Variants in NRDE2 observed in about 807,000 individuals in gnomAD.
NRDE2 encodes NRDE-2, necessary for RNA interference, domain containing.
Under a neutral mutation model 124.2 loss-of-function variants are expected in NRDE2, and 76 were observed. The ratio of observed to expected loss-of-function variants is 0.61; its 90% CI spans 0.51 to 0.74. The LOEUF (loss-of-function observed/expected upper bound fraction) is 0.74. Ranked by LOEUF, NRDE2 falls within the 30% of genes least tolerant of loss-of-function variation. The probability of loss-of-function intolerance (pLI) is 0.00; values close to 1 mark genes in which losing one functional copy is unlikely to be tolerated. For synonymous variants in NRDE2, 489 were observed against 528.1 expected (o/e 0.93, Z 1.01); for missense variants, 1,314 against 1,417.3 (o/e 0.93, Z 1.17).
At chr14:90,311,930 T>A (rs1227159693) in intron 4 of NRDE2, among the ~76,000 whole-genome samples, 1 of 152,274 alleles carries the variant, frequency 6.6e-6, no homozygotes, top group Non-Finnish European at 1.5e-5. Flanking sequence ...AAATATCATC[T>A]ATTTTTATGA....
At chr14:90,325,530 CT>C (rs1217310351) in intron 1 of NRDE2, among the ~76,000 whole-genome samples, 1 of 151,822 alleles carries the variant, frequency 6.6e-6, no homozygotes, top group Non-Finnish European at 1.5e-5. Flanking sequence ...GGCCTCTTTG[CT>C]TTTTTTTGTT....
In NRDE2 at chr14:90,304,151, A is replaced by T; in HGVS notation, c.789T>A (p.Ala263=). The part of the protein sequence containing the change: ...FIPVKDLEDA[A]PVTTWLNPLG... ...GAGGATTCAACCAGGTTGTAACAGG[A>T]GCCGCATCTTCCAAGTCCTTCACTG... Residue 263 remains alanine (A), a synonymous_variant, in exon 5 of 14, where the codon GCT becomes GCA. Coordinates refer to ENST00000354366, the MANE Select transcript of NRDE2 (RefSeq NM_017970.4). 3 of 1,614,196 alleles carry T rather than the reference A, an allele frequency of 1.9e-6. No homozygotes were observed. Among genetic ancestry groups the T allele is most frequent in the Non-Finnish European group, 2.5e-6 (3 of 1,180,040 alleles).
At chr14:90,296,560 T>C (rs1273065180) in intron 8 of NRDE2, among the ~76,000 whole-genome samples, 1 of 152,192 alleles carries the variant, frequency 6.6e-6, no homozygotes, top group Non-Finnish European at 1.5e-5. Flanking sequence ...CTCTGAACTG[T>C]CGTGCAAGAC....
intron 5 of NRDE2, 145 bp downstream of exon 5, chr14:90,303,790 T>C (rs1457702784): frequency 9.7e-6 from 7 of 722,388 alleles, no homozygotes; most frequent in African/African-American, 1.8e-5. Context: ...TTGAGCGAGC[T>C]CAGGGCAAAG....
intron 6 of NRDE2, among the ~76,000 whole-genome samples, chr14:90,302,257 A>T (rs936856761): frequency 6.6e-6 from 1 of 152,138 alleles, no homozygotes; most frequent in Non-Finnish European, 1.5e-5. Context: ...CCAACATCTC[A>T]TTACTGTCAA....
Position 90,298,254 on chromosome 14 carries a change from A to G in NRDE2, c.1666+6T>C. 1 of 1,612,970 alleles carries G rather than the reference A, an allele frequency of 6.2e-7. No homozygotes were observed. Among genetic ancestry groups the G allele is most frequent in the Non-Finnish European group, 8.5e-7 (1 of 1,179,716 alleles). ...AAGTACACGTCTTCAATGAGAGGTG[A>G]CTTACCTGGGTTGATGACCACCCAG... is the stretch of plus-strand genomic sequence containing the variant. On this transcript the variant is annotated splice_donor_region_variant and intron_variant, in intron 8 of 13. Coordinates refer to ENST00000354366, the MANE Select transcript of NRDE2 (RefSeq NM_017970.4).
intron 2 of NRDE2, chr14:90,317,767 T>C: frequency 5.3e-6 from 2 of 377,820 alleles, no homozygotes; most frequent in Non-Finnish European, 9.4e-6. Context: ...ATCACAATGA[T>C]GCCATTTCCC....
chr14:90,301,129 T>C, intron 7 of NRDE2, 110 bp downstream of exon 7: 1 of 1,094,586 alleles, frequency 9.1e-7, no homozygotes. Flanking sequence ...TTAAAAACAC[T>C]ACCACACCAC....
At position 90,304,290 on chromosome 14, in the gene NRDE2, C is replaced by T. The variant is rs768869559; in HGVS notation, c.650G>A (p.Arg217His). Reference sequence around the variant, plus strand: ...AGTAAAATAGCGTTCAACCTGCTTGCGTGAATGCTTCTTCTCTGTGGAAGT... The same window carrying T: ...AGTAAAATAGCGTTCAACCTGCTTGTGTGAATGCTTCTTCTCTGTGGAAGT... The part of the protein sequence containing the change: ...EGTSTEKKHS[R>H]KQVERYFTKK... Residue 217 changes from arginine (R) to histidine (H), a missense_variant, in exon 5 of 14, where the codon CGC (arginine) becomes CAC (histidine). Physicochemically the swap from Arg to His is conservative, Grantham distance 29. Coordinates refer to ENST00000354366, the MANE Select transcript of NRDE2 (RefSeq NM_017970.4). 19 of 1,613,984 alleles carry T rather than the reference C, an allele frequency of 1.2e-5. No individual in the cohort carries two copies. The highest frequency in any genetic ancestry group is 2.7e-5 in the African/African-American group (2 of 74,946).
chr14:90,321,800 T>C (rs1885254925), intron 1 of NRDE2, among the ~76,000 whole-genome samples: 1 of 152,194 alleles, frequency 6.6e-6, no homozygotes, highest in Non-Finnish European at 1.5e-5. Flanking sequence ...AGTCCTCTAG[T>C]CCATGGACTT....
In NRDE2 at chr14:90,298,209, A is replaced by G. The variant is rs1382099324; in HGVS notation, c.1666+51T>C. ...GATAAATAATCATGAGGATGTAAAA[A>G]CAAATTCCAGAAGAAACAGAAGTAC... On this transcript the variant is annotated intron_variant, in intron 8 of 13. Transcript: ENST00000354366. The G allele has an allele frequency of 2.5e-6, 4 of 1,592,958 alleles. No individual in the cohort carries two copies. The South Asian group carries it at 3.3e-5, about 13-fold the overall frequency.
chr14:90,316,855 T>C (rs1885068374), intron 2 of NRDE2, 44 bp from the exon 3 acceptor site: 3 of 1,262,808 alleles, frequency 2.4e-6, no homozygotes, highest in Non-Finnish European at 2.2e-6. Context: ...TAAAAAGATG[T>C]AGGAAAAATA....
At position 90,286,496 on chromosome 14, in the gene NRDE2, C is replaced by T. The variant is rs376374829; in HGVS notation, c.3159-4G>A. The T allele has an allele frequency of 1.6e-4, 265 of 1,608,228 alleles. No individual in the cohort carries two copies. The highest frequency in any genetic ancestry group is 2.1e-4 in the Non-Finnish European group (252 of 1,178,494). On this transcript the variant is annotated splice_region_variant and splice_polypyrimidine_tract_variant and intron_variant, in intron 11 of 13. Transcript: ENST00000354366. ...GTGGATCTCTCTACCGTCTAACCTG[C>T]AAGGCAAAGGCTCACGTGACTCTGA...
At chr14:90,292,176 G>C (rs1341023660) in intron 9 of NRDE2, among the ~76,000 whole-genome samples, 1 of 152,188 alleles carries the variant, frequency 6.6e-6, no homozygotes, top group Non-Finnish European at 1.5e-5. Flanking sequence ...ATAAACACTA[G>C]TTTCTTCTTC....
chr14:90,303,364 T>C (rs1412590828), intron 5 of NRDE2, among the ~76,000 whole-genome samples: 3 of 152,256 alleles, frequency 2.0e-5, no homozygotes, highest in Non-Finnish European at 4.4e-5. Context: ...TCTGCATCAA[T>C]GACTAGCATA....
intron 1 of NRDE2, among the ~76,000 whole-genome samples, chr14:90,330,132 A>G (rs975855342): frequency 6.6e-6 from 1 of 151,574 alleles, no homozygotes; most frequent in African/African-American, 2.4e-5. Flanking sequence ...ACTTGAACCC[A>G]GGAGGCGAAG....
intron 9 of NRDE2, among the ~76,000 whole-genome samples, chr14:90,292,290 G>C (rs182685665): frequency 2.0e-5 from 3 of 152,212 alleles, no homozygotes; most frequent in African/African-American, 2.4e-5. Flanking sequence ...ACCCAAGAGT[G>C]GGGTGGGGAA....
At chr14:90,290,188 T>TC in intron 10 of NRDE2, 33 bp downstream of exon 10, 2 of 1,597,048 alleles carry the variant, frequency 1.3e-6, no homozygotes, top group Non-Finnish European at 1.7e-6. Context: ...AAATGAAAAG[T>TC]CCCCAAACAT....
intron 7 of NRDE2, 113 bp from the exon 8 acceptor site, chr14:90,298,493 T>G: frequency 9.0e-7 from 1 of 1,109,052 alleles, no homozygotes; most frequent in Non-Finnish European, 1.3e-6. Flanking sequence ...GAAATCATGT[T>G]TGCCATCAGT....
Sources: allele counts gnomAD v4.1 joint callset (sites outside exome capture counted in the v4.1 genomes callset), GRCh38; gene constraint gnomAD v4.1.1; transcripts MANE v1.5; gene names NCBI Gene and HGNC (gene_info 2026-07-23, HGNC 2026-07-21).